The following GRK4 variants were observed in gnomAD, a reference collection of about 807,000 sequenced individuals.
GRK4 encodes the protein G protein-coupled receptor kinase 4.
A neutral mutation model predicts 77.9 loss-of-function variants in GRK4; 73 were observed. The observed-to-expected ratio is 0.94, with a 90% CI of 0.78 to 1.14. The LOEUF is 1.14. Among genes scored for constraint, GRK4 ranks in the 50% most tolerant of loss-of-function variants. The probability of loss-of-function intolerance (pLI) is 0.00; values close to 1 mark genes in which losing one functional copy is unlikely to be tolerated. For synonymous variants in GRK4, 257 were observed against 254.4 expected (o/e 1.01, Z -0.10); for missense variants, 729 against 700.2 (o/e 1.04, Z -0.46).
At position 2,990,613 on chromosome 4, in the gene GRK4, G is replaced by A. The variant is rs185667527; in HGVS notation, c.262-1602G>A. ...TGCTGGGGCATGCTTACTCAGTTTG[G>A]GGGATGGAACCCTGGGTGTAAGTTC... On this transcript the variant is annotated intron_variant, in intron 3 of 15. Transcript: ENST00000398052. Among the ~76,000 whole-genome samples, 11 of 152,234 alleles carry A rather than the reference G, an allele frequency of 7.2e-5. No homozygotes were observed. The East Asian group carries it at 9.7e-4, about 13-fold the overall frequency.
chr4:3,036,986 A>G (rs2187694), intron 13 of GRK4, among the ~76,000 whole-genome samples: 98,881 of 151,428 alleles, frequency 0.65, 33,108 homozygotes, highest in African/African-American at 0.8. Flanking sequence ...TGCATCCCTG[A>G]CCTCTGTTTG....
intron 13 of GRK4, among the ~76,000 whole-genome samples, chr4:3,036,285 C>T (rs1740620290): frequency 6.6e-6 from 1 of 152,248 alleles, no homozygotes; most frequent in Non-Finnish European, 1.5e-5. Flanking sequence ...CTGAAGTGGT[C>T]ACTGTGCCTC....
At chr4:3,024,476 G>A (rs1736901992) in intron 10 of GRK4, among the ~76,000 whole-genome samples, 1 of 152,124 alleles carries the variant, frequency 6.6e-6, no homozygotes, top group Non-Finnish European at 1.5e-5. Flanking sequence ...CCTCACTGCA[G>A]TTTTGACCTC....
In GRK4 at chr4:2,967,041, T is replaced by C. The variant is rs946213658; in HGVS notation, c.52+2919T>C. 4.6e-5 allele frequency among the ~76,000 whole-genome samples: 7 copies of C among 152,152 alleles called. 1 individual carries two copies. The highest frequency in any genetic ancestry group is 3.9e-4 in the Admixed American group (6 of 15,278). On this transcript the variant is annotated intron_variant, in intron 1 of 15. Coordinates refer to ENST00000398052, the MANE Select transcript of GRK4 (RefSeq NM_182982.3). Reference sequence around the variant, plus strand: ...ATGAGAGTGGAACCCTCGTGAATGGTATTAGTGCCTTTATAAAAGAAACTA... The same window carrying C: ...ATGAGAGTGGAACCCTCGTGAATGGCATTAGTGCCTTTATAAAAGAAACTA...
At chr4:3,002,316 G>C (rs1408474473) in intron 4 of GRK4, among the ~76,000 whole-genome samples, 2 of 152,042 alleles carry the variant, frequency 1.3e-5, no homozygotes, top group Non-Finnish European at 2.9e-5. Context: ...TTAAACACTG[G>C]ACCCAGGCTG....
intron 4 of GRK4, among the ~76,000 whole-genome samples, chr4:2,999,548 A>G (rs894674668): frequency 5.9e-5 from 9 of 152,228 alleles, no homozygotes; most frequent in African/African-American, 1.9e-4. Flanking sequence ...AGTCTTTTCA[A>G]TAGATGGTAC....
intron 5 of GRK4, 71 bp downstream of exon 5, chr4:3,004,405 T>C (rs1345551579): frequency 1.0e-6 from 1 of 974,062 alleles, no homozygotes; most frequent in African/African-American, 1.6e-5. Context: ...TTTCAGGAGG[T>C]TTCTCTGCAT....
chr4:2,970,668 AAAAT>A (rs1327502541), intron 1 of GRK4, among the ~76,000 whole-genome samples: 2 of 151,824 alleles, frequency 1.3e-5, no homozygotes, highest in African/African-American at 4.8e-5. Context: ...AAAAAAAAAA[AAAAT>A]GTTCTTTTTT....
intron 8 of GRK4, among the ~76,000 whole-genome samples, chr4:3,016,440 C>G (rs1734510747): frequency 6.6e-6 from 1 of 151,318 alleles, no homozygotes; most frequent in Admixed American, 6.6e-5. Context: ...ATTGCTTGAA[C>G]TCAGAAGACG....
intron 12 of GRK4, among the ~76,000 whole-genome samples, chr4:3,032,950 C>T (rs1203201330): frequency 6.6e-6 from 1 of 152,202 alleles, no homozygotes; most frequent in East Asian, 1.9e-4. Flanking sequence ...GTCTTAGTCC[C>T]TTTGGGCTGC....
At chr4:2,997,129 T>A (rs574238200) in intron 4 of GRK4, among the ~76,000 whole-genome samples, 2 of 152,322 alleles carry the variant, frequency 1.3e-5, no homozygotes, top group African/African-American at 4.8e-5. Flanking sequence ...CTTTATCCAG[T>A]CACTCAGACA....
rs1190740324 is a variant in GRK4 at position 2,963,594 on chromosome 4, A to AG, written c.-473dup. ...CTGTAGTGCCCCGGCCGCGGCGGCG[A>AG]GGGGCGCTCCCTCTTCAGCTAAGCC... is the stretch of plus-strand genomic sequence containing the variant. On this transcript the variant is annotated 5_prime_UTR_variant, in exon 1 of 16. Transcript: ENST00000398052. 7.7e-5 allele frequency: 33 copies of AG among 429,822 alleles called. No individual in the cohort carries two copies. The highest frequency in any genetic ancestry group is 1.3e-4 in the Non-Finnish European group (32 of 245,476). The allele number at this position is 429,822 out of a possible 1,614,324, so 26.6% of individuals were successfully genotyped here.
intron 10 of GRK4, among the ~76,000 whole-genome samples, chr4:3,024,410 G>A (rs1358669109): frequency 1.3e-5 from 2 of 152,132 alleles, no homozygotes; most frequent in Non-Finnish European, 2.9e-5. Context: ...TTTCAGGCAT[G>A]CACCACCACA....
intron 4 of GRK4, among the ~76,000 whole-genome samples, chr4:2,993,388 T>C (rs1204545065): frequency 6.6e-6 from 1 of 151,976 alleles, no homozygotes; most frequent in Non-Finnish European, 1.5e-5. Flanking sequence ...TTAACACTGC[T>C]CTAGGCCAGG....
At chr4:3,020,798 G>GA (rs994861947) in intron 9 of GRK4, among the ~76,000 whole-genome samples, 2 of 141,256 alleles carry the variant, frequency 1.4e-5, no homozygotes, top group Non-Finnish European at 1.6e-5. Context: ...ATGAAAGGGG[G>GA]AAAAAAAAGA....
At chr4:2,984,649 G>C in intron 2 of GRK4, 41 bp downstream of exon 2, 1 of 1,033,582 alleles carries the variant, frequency 9.7e-7, no homozygotes, top group Non-Finnish European at 1.5e-6. Flanking sequence ...TGGTACATCT[G>C]GCATGATACC....
In GRK4 at chr4:3,004,327, T is replaced by G. The variant is rs1398115044; in HGVS notation, c.436T>G (p.Cys146Gly). Residue 146 changes from cysteine to glycine, a missense_variant, in exon 5 of 16, where the codon TGT (cysteine) becomes GGT (glycine). Cys to Gly is a radical substitution (Grantham distance 159). Transcript: ENST00000398052. ...ENPSKKAFEECTRVAHNYLRG... is the reference protein window; with the variant it reads ...ENPSKKAFEEGTRVAHNYLRG... Reference sequence around the variant, plus strand: ...CCCTTCCAAAAAAGCCTTTGAGGAATGTACTAGGTAAGTGGTTCATGCTGA... The same window carrying G: ...CCCTTCCAAAAAAGCCTTTGAGGAAGGTACTAGGTAAGTGGTTCATGCTGA... 4 of 1,595,200 alleles carry G rather than the reference T, an allele frequency of 2.5e-6. No individual in the cohort carries two copies. In the African/African-American group the frequency reaches 4.0e-5, roughly 16 times the overall value.
intron 1 of GRK4, chr4:2,970,821 C>T (rs1362958792): frequency 4.6e-5 from 7 of 151,850 alleles, no homozygotes; most frequent in South Asian, 2.1e-4. Context: ...AGGCACACGC[C>T]GCCATGCCTG....
At chr4:3,034,400 A>G (rs1041495503) in intron 12 of GRK4, among the ~76,000 whole-genome samples, 1 of 152,110 alleles carries the variant, frequency 6.6e-6, no homozygotes, top group Non-Finnish European at 1.5e-5. Context: ...CAGCGATTCA[A>G]CTCTGCCGCT....
Sources: gnomAD v4.1 joint callset for allele counts (sites outside exome capture counted in the v4.1 genomes callset) on GRCh38, gnomAD v4.1.1 for gene constraint, MANE v1.5 for transcripts, NCBI Gene and HGNC (gene_info 2026-07-23, HGNC 2026-07-21) for gene names.